The following RABGAP1L variants were observed in gnomAD, a reference collection of about 807,000 sequenced individuals.
The protein encoded by RABGAP1L is RAB GTPase activating protein 1 like.
RABGAP1L carries 63 observed loss-of-function variants against 137.7 expected under a neutral mutation model. The observed-to-expected ratio is 0.46, with a 90% confidence interval of 0.37 to 0.56. RABGAP1L has a LOEUF of 0.56. Ranked by LOEUF, RABGAP1L falls within the 20% of genes least tolerant of loss-of-function variation. The pLI, the probability that RABGAP1L is intolerant of heterozygous loss-of-function variation, is 0.00. For synonymous variants in RABGAP1L, 431 were observed against 433.7 expected, an observed-to-expected ratio of 0.99 and a Z score of 0.08; for missense variants, 1,095 against 1,244.0, an observed-to-expected ratio of 0.88 and a Z score of 1.80.
At chr1:174,883,236 G>A (rs1199479429) in intron 19 of RABGAP1L, among the ~76,000 whole-genome samples, 9 of 152,198 alleles carry the variant, frequency 5.9e-5, no homozygotes, top group African/African-American at 2.2e-4. Flanking sequence ...AAAACTGAGA[G>A]ACATAATAGT....
intron 14 of RABGAP1L, among the ~76,000 whole-genome samples, chr1:174,658,860 T>C (rs545072868): frequency 2.6e-5 from 4 of 152,324 alleles, no homozygotes; most frequent in African/African-American, 7.2e-5. Flanking sequence ...TGCAAAGATA[T>C]GTTAGACCTA....
At chr1:174,965,483 G>A (rs897336156) in intron 20 of RABGAP1L, among the ~76,000 whole-genome samples, 1 of 152,132 alleles carries the variant, frequency 6.6e-6, no homozygotes, top group African/African-American at 2.4e-5. Flanking sequence ...CTAGTATACA[G>A]GCAAACTTTT....
intron 7 of RABGAP1L, among the ~76,000 whole-genome samples, chr1:174,258,495 C>T (rs1673307568): frequency 6.6e-6 from 1 of 152,106 alleles, no homozygotes; most frequent in South Asian, 2.1e-4. Context: ...CCCTATGCTG[C>T]CCAGGCTGGT....
intron 19 of RABGAP1L, among the ~76,000 whole-genome samples, chr1:174,828,137 G>A (rs1691772972): frequency 6.7e-6 from 1 of 148,150 alleles, no homozygotes; most frequent in Non-Finnish European, 1.5e-5. Context: ...CTTCTGTGAA[G>A]GAAACATTTT....
intron 13 of RABGAP1L, among the ~76,000 whole-genome samples, chr1:174,429,690 G>C (rs1484901540): frequency 6.6e-6 from 1 of 151,678 alleles, no homozygotes; most frequent in African/African-American, 2.4e-5. Flanking sequence ...AGTGAGCCGA[G>C]ATTGTGCCAT....
intron 13 of RABGAP1L, among the ~76,000 whole-genome samples, chr1:174,418,557 T>A (rs1489774078): frequency 6.6e-6 from 1 of 152,152 alleles, no homozygotes; most frequent in Non-Finnish European, 1.5e-5. Flanking sequence ...GTCCTTGAAA[T>A]ATGAGGGAAA....
chr1:174,902,697 G>A (rs181438964), intron 19 of RABGAP1L, among the ~76,000 whole-genome samples: 2 of 152,312 alleles, frequency 1.3e-5, no homozygotes, highest in African/African-American at 4.8e-5. Context: ...TTCCCAGGTG[G>A]GGTTGCACAA....
At chr1:174,272,285 AG>A (rs1370586157) in intron 7 of RABGAP1L, 128 bp from the exon 8 acceptor site, 13 of 874,794 alleles carry the variant, frequency 1.5e-5, no homozygotes, top group Middle Eastern at 7.1e-4. Context: ...TGGTGTTTTT[AG>A]AAAAAAAACT....
intron 11 of RABGAP1L, among the ~76,000 whole-genome samples, chr1:174,323,150 G>C (rs1226327890): frequency 2.0e-5 from 3 of 151,990 alleles, no homozygotes; most frequent in African/African-American, 4.8e-5. Context: ...TTTGAAGAAA[G>C]ATAACTGATT....
intron 13 of RABGAP1L, among the ~76,000 whole-genome samples, chr1:174,635,531 C>A (rs1185370569): frequency 1.3e-5 from 2 of 152,152 alleles, no homozygotes; most frequent in Non-Finnish European, 2.9e-5. Flanking sequence ...TTACCTTATT[C>A]TATACCCCCA....
At chr1:174,617,930 G>C (rs140937369) in intron 13 of RABGAP1L, among the ~76,000 whole-genome samples, 2 of 151,992 alleles carry the variant, frequency 1.3e-5, no homozygotes, top group African/African-American at 4.8e-5. Context: ...TGGAAAATCG[G>C]GTCACTCCCA....
chr1:174,580,760 C>T (rs1327764074), intron 13 of RABGAP1L, among the ~76,000 whole-genome samples: 1 of 151,914 alleles, frequency 6.6e-6, no homozygotes, highest in Non-Finnish European at 1.5e-5. Flanking sequence ...TGCACATATA[C>T]CCTAAAACTT....
chr1:174,464,853 A>G (rs2149291167), intron 13 of RABGAP1L, among the ~76,000 whole-genome samples: 1 of 152,106 alleles, frequency 6.6e-6, no homozygotes, highest in African/African-American at 2.4e-5. Flanking sequence ...GCTTTGAATG[A>G]TAGGAACTTT....
At chr1:174,603,733 A>T (rs772121124) in intron 13 of RABGAP1L, among the ~76,000 whole-genome samples, 1 of 151,810 alleles carries the variant, frequency 6.6e-6, no homozygotes, top group East Asian at 2.0e-4. Context: ...CCTGGTTACA[A>T]CTGATGTTTA....
chr1:174,326,564 C>T (rs749019608), intron 11 of RABGAP1L, among the ~76,000 whole-genome samples: 1 of 152,044 alleles, frequency 6.6e-6, no homozygotes, highest in Admixed American at 6.5e-5. Context: ...ATTTATGGGG[C>T]ACCATCAGAA....
chr1:174,274,740 G>A (rs562561704), intron 8 of RABGAP1L, among the ~76,000 whole-genome samples: 20 of 151,756 alleles, frequency 1.3e-4, no homozygotes, highest in African/African-American at 4.6e-4. Flanking sequence ...GGAATGCATG[G>A]TCCCTGCGCT....
intron 11 of RABGAP1L, among the ~76,000 whole-genome samples, chr1:174,368,771 G>A (rs982351018): frequency 2.6e-5 from 4 of 151,938 alleles, no homozygotes; most frequent in Non-Finnish European, 4.4e-5. Flanking sequence ...AAAATTATAG[G>A]TAGTCAGATT....
At chr1:174,798,910 T>G (rs947952566) in intron 18 of RABGAP1L, among the ~76,000 whole-genome samples, 1 of 152,232 alleles carries the variant, frequency 6.6e-6, no homozygotes, top group Non-Finnish European at 1.5e-5. Flanking sequence ...CATTTTGCCT[T>G]CATTTGGCTA....
chr1:174,478,439 T>TA (rs199629801), intron 13 of RABGAP1L, among the ~76,000 whole-genome samples: 94 of 150,950 alleles, frequency 6.2e-4, no homozygotes, highest in African/African-American at 1.9e-3. Context: ...CCTGGCTAAT[T>TA]AAAAAAAAAA....
Sources: allele counts gnomAD v4.1 joint callset (sites outside exome capture counted in the v4.1 genomes callset), GRCh38; gene constraint gnomAD v4.1.1; transcripts MANE v1.5; gene names NCBI Gene and HGNC (gene_info 2026-07-23, HGNC 2026-07-21).